The following RPH3AL variants were observed in gnomAD, a reference collection of about 807,000 sequenced individuals.
RPH3AL encodes the protein rab effector Noc2.
A neutral mutation model predicts 43.1 loss-of-function variants in RPH3AL; 38 were observed. That is an observed-to-expected ratio of 0.88 (90% CI 0.68 to 1.15). The LOEUF is 1.15. Among genes scored for constraint, RPH3AL ranks in the 50% most tolerant of loss-of-function variants. The pLI, the probability that RPH3AL is intolerant of heterozygous loss-of-function variation, is 0.00. For synonymous variants in RPH3AL, 189 were observed against 176.3 expected, an observed-to-expected ratio of 1.07 and a Z score of -0.57; for missense variants, 462 against 423.2, an observed-to-expected ratio of 1.09 and a Z score of -0.81.
At chr17:273,029 C>G in intron 6 of RPH3AL, among the ~76,000 whole-genome samples, 1 of 105,170 alleles carries the variant, frequency 9.5e-6, no homozygotes, top group Admixed American at 9.9e-5. Flanking sequence ...AGGAAGAGAC[C>G]CCAGCGAGGG....
chr17:228,732 T>C (rs1254033058), intron 7 of RPH3AL, among the ~76,000 whole-genome samples: 2 of 152,148 alleles, frequency 1.3e-5, no homozygotes, highest in Non-Finnish European at 2.9e-5. Flanking sequence ...GCACGCAGGA[T>C]GCCCCAGGGT....
intron 7 of RPH3AL, among the ~76,000 whole-genome samples, chr17:244,858 C>T (rs767554249): frequency 5.9e-5 from 9 of 151,864 alleles, no homozygotes; most frequent in African/African-American, 1.9e-4. Context: ...TGTGGGCAAC[C>T]GTGTGTGTGC....
At chr17:265,453 A>G (rs1260511093) in intron 6 of RPH3AL, among the ~76,000 whole-genome samples, 1 of 152,230 alleles carries the variant, frequency 6.6e-6, no homozygotes. Flanking sequence ...AAAGTTATAT[A>G]TATATGCATA....
At chr17:268,680 C>T (rs1272161579) in intron 6 of RPH3AL, among the ~76,000 whole-genome samples, 1 of 150,064 alleles carries the variant, frequency 6.7e-6, no homozygotes, top group Non-Finnish European at 1.5e-5. Context: ...CCGACCTCAG[C>T]CTCCCAAGTA....
Position 235,435 on chromosome 17 carries a change from G to C in RPH3AL, c.613+11676C>G, listed in dbSNP as rs1187256009. ...AGCTGGGGTCGGCCGAGGCTCTGCA[G>C]TAACAAGAGGGATGCAGGGTTCAAA... is the stretch of plus-strand genomic sequence containing the variant. On this transcript the variant is annotated intron_variant, in intron 7 of 9. Coordinates refer to ENST00000331302, the MANE Select transcript of RPH3AL (RefSeq NM_006987.4). Among the ~76,000 whole-genome samples, 78 of 83,850 alleles carry C rather than the reference G, an allele frequency of 9.3e-4. 1 individual carries two copies. The highest frequency in any genetic ancestry group is 1.2e-3 in the Non-Finnish European group (49 of 40,418). The allele number at this position is 83,850 out of a possible 152,430, so 55.0% of individuals were successfully genotyped here.
At chr17:223,065 G>A (rs966910719) in intron 7 of RPH3AL, among the ~76,000 whole-genome samples, 27 of 152,104 alleles carry the variant, frequency 1.8e-4, no homozygotes, top group African/African-American at 5.8e-4. Context: ...TGATGGGCAC[G>A]TGTACTCCCA....
chr17:286,487 G>T (rs564866878), intron 5 of RPH3AL, among the ~76,000 whole-genome samples: 1 of 152,132 alleles, frequency 6.6e-6, no homozygotes, highest in African/African-American at 2.4e-5. Flanking sequence ...AAGACGACAC[G>T]CTCCCACTCA....
intron 6 of RPH3AL, among the ~76,000 whole-genome samples, chr17:267,903 G>A (rs1221047593): frequency 6.6e-6 from 1 of 152,188 alleles, no homozygotes; most frequent in Non-Finnish European, 1.5e-5. Context: ...CTACAAAAGT[G>A]TATTTCATAC....
At chr17:241,499 T>A (rs1311405770) in intron 7 of RPH3AL, among the ~76,000 whole-genome samples, 2 of 152,142 alleles carry the variant, frequency 1.3e-5, no homozygotes, top group Admixed American at 1.3e-4. Context: ...GCCATGAAAA[T>A]GAATAATGTA....
chr17:218,808 G>C (rs1012758842), intron 8 of RPH3AL, among the ~76,000 whole-genome samples: 2 of 152,204 alleles, frequency 1.3e-5, no homozygotes, highest in African/African-American at 4.8e-5. Flanking sequence ...TTGCTAACGA[G>C]AAGGAAATGC....
intron 7 of RPH3AL, among the ~76,000 whole-genome samples, chr17:240,262 G>C (rs1290619659): frequency 1.4e-5 from 2 of 144,646 alleles, no homozygotes; most frequent in South Asian, 2.2e-4. Flanking sequence ...AGGTTTTTTT[G>C]TTGTAAGCTA....
rs7225286 is a variant in RPH3AL, at chr17:319,004, T to A, written c.351+416A>T. Among the ~76,000 whole-genome samples, 1,358 of 152,256 alleles carry A rather than the reference T, an allele frequency of 8.9e-3. 16 individuals are homozygous for A. The highest frequency in any genetic ancestry group is 0.031 in the African/African-American group (1,276 of 41,532). ...TTGAGTGCCTATGTACCAGGCAAGG[T>A]TTTAAGAGTTTTGCGTTGAAGAATA... On this transcript the variant is annotated intron_variant, in intron 5 of 9. Transcript: ENST00000331302.
chr17:326,016 G>A (rs989958528), intron 3 of RPH3AL, among the ~76,000 whole-genome samples: 25 of 152,342 alleles, frequency 1.6e-4, no homozygotes, highest in Middle Eastern at 3.4e-3. Context: ...AGAAGGTCAG[G>A]GAGAGCTGAA....
chr17:316,365 C>G (rs2044184026), intron 5 of RPH3AL, among the ~76,000 whole-genome samples: 1 of 151,712 alleles, frequency 6.6e-6, no homozygotes, highest in African/African-American at 2.4e-5. Context: ...GCTCCACCTC[C>G]ATTGACCTGT....
intron 1 of RPH3AL, among the ~76,000 whole-genome samples, chr17:342,747 G>C (rs762937099): frequency 2.6e-5 from 4 of 152,194 alleles, no homozygotes; most frequent in African/African-American, 9.7e-5. Context: ...ATGTGGTGAT[G>C]ATTGGTGATG....
chr17:313,850 CA>C (rs2043723655), intron 5 of RPH3AL, among the ~76,000 whole-genome samples: 2 of 152,166 alleles, frequency 1.3e-5, no homozygotes, highest in African/African-American at 4.8e-5. Context: ...CCAAAGCCCC[CA>C]AATGCCCACC....
chr17:345,235 G>A lies in RPH3AL; in HGVS notation c.-213+7477C>T, dbSNP rs368461049. 4.4e-5 allele frequency among the ~76,000 whole-genome samples: 6 copies of A among 135,070 alleles called. 1 individual carries two copies. The highest frequency in any genetic ancestry group is 1.5e-4 in the African/African-American group (6 of 39,402). 88.6% of individuals were successfully genotyped at this position (135,070 alleles called of 152,430 possible). A position where few individuals can be genotyped will look rare whatever the true frequency, so the allele number is the denominator to read the frequency against. ...GTTAAGCCTGCAGTGAGCCATGATC[G>A]TGCCACTGCACTCCAGGCTGGGCTA... On this transcript the variant is annotated intron_variant, in intron 1 of 9. Coordinates refer to ENST00000331302, the MANE Select transcript of RPH3AL (RefSeq NM_006987.4).
intron 3 of RPH3AL, among the ~76,000 whole-genome samples, chr17:325,161 T>A (rs1387126747): frequency 6.6e-6 from 1 of 152,178 alleles, no homozygotes; most frequent in Non-Finnish European, 1.5e-5. Context: ...GCGACCGGCC[T>A]ATTCTTTTTA....
intron 1 of RPH3AL, among the ~76,000 whole-genome samples, chr17:337,685 T>C (rs1347404990): frequency 6.6e-6 from 1 of 152,222 alleles, no homozygotes; most frequent in Non-Finnish European, 1.5e-5. Context: ...TTCCTTGGCC[T>C]CGTTCATTCA....
Sources: allele counts gnomAD v4.1 joint callset (sites outside exome capture counted in the v4.1 genomes callset), GRCh38; gene constraint gnomAD v4.1.1; transcripts MANE v1.5; gene names NCBI Gene and HGNC (gene_info 2026-07-23, HGNC 2026-07-21).